The following AGPAT5 variants were observed in gnomAD, a reference collection of about 807,000 sequenced individuals.
AGPAT5 encodes the protein 1-acylglycerol-3-phosphate O-acyltransferase 5, also known as 1-acyl-sn-glycerol-3-phosphate acyltransferase epsilon.
Under a neutral mutation model 45.6 loss-of-function variants are expected in AGPAT5, and 46 were observed. That is an observed-to-expected ratio of 1.01 (90% CI 0.80 to 1.29). AGPAT5 has a LOEUF of 1.29. Ranked by LOEUF, AGPAT5 falls within the 50% of genes most tolerant of loss-of-function variation. The pLI is 0.00. For missense variants in AGPAT5, 673 were observed against 450.7 expected, an observed-to-expected ratio of 1.49 and a Z score of -4.47; for synonymous variants, 272 against 167.0, an observed-to-expected ratio of 1.63 and a Z score of -4.85.
chr8:6,711,854 C>G (rs1030471008), intron 1 of AGPAT5, among the ~76,000 whole-genome samples: 1 of 152,208 alleles, frequency 6.6e-6, no homozygotes, highest in African/African-American at 2.4e-5. Context: ...TCACATCTCA[C>G]TCTCCCTTTC....
chr8:6,743,508 T>C (rs1801310390), intron 5 of AGPAT5, among the ~76,000 whole-genome samples: 1 of 152,238 alleles, frequency 6.6e-6, no homozygotes, highest in Non-Finnish European at 1.5e-5. Context: ...TAAGTTTTAT[T>C]CACAAAAAGA....
At chr8:6,734,536 A>C (rs888889576) in intron 4 of AGPAT5, among the ~76,000 whole-genome samples, 1 of 152,094 alleles carries the variant, frequency 6.6e-6, no homozygotes, top group Non-Finnish European at 1.5e-5. Flanking sequence ...TTATCATTTT[A>C]TTATACTTGC....
intron 4 of AGPAT5, among the ~76,000 whole-genome samples, chr8:6,741,094 T>A (rs1481058918): frequency 1.3e-5 from 2 of 152,126 alleles, no homozygotes; most frequent in African/African-American, 4.8e-5. Context: ...TAGTTTCAGT[T>A]TATATAACAA....
intron 4 of AGPAT5, among the ~76,000 whole-genome samples, chr8:6,740,298 T>G (rs1029650266): frequency 1.3e-5 from 2 of 151,980 alleles, no homozygotes; most frequent in East Asian, 3.8e-4. Flanking sequence ...AAACACATTT[T>G]CATGAAAATG....
rs1014985961 is a variant in AGPAT5, at chr8:6,719,159, T to A, written c.220-5711T>A. ...GGTGAATTATATGGCATGTAAACAT[T>A]TGTGGAAAGCAAGTTTAGAACATCA... On this transcript the variant is annotated intron_variant, in intron 1 of 7. Coordinates refer to ENST00000285518, the MANE Select transcript of AGPAT5 (RefSeq NM_018361.5). Among the ~76,000 whole-genome samples, 2 of 152,224 alleles carry A rather than the reference T, an allele frequency of 1.3e-5. 1 individual carries two copies. Among genetic ancestry groups the A allele is most frequent in the South Asian group, 4.1e-4 (2 of 4,834 alleles).
chr8:6,742,424 C>A (rs1009767037), intron 5 of AGPAT5, among the ~76,000 whole-genome samples: 3 of 152,184 alleles, frequency 2.0e-5, no homozygotes, highest in Non-Finnish European at 4.4e-5. Context: ...AAAACAGTGG[C>A]TATGCTATGT....
intron 6 of AGPAT5, among the ~76,000 whole-genome samples, chr8:6,749,474 C>G (rs182589954): frequency 6.6e-6 from 1 of 152,316 alleles, no homozygotes; most frequent in East Asian, 1.9e-4. Context: ...AAAATTAAAA[C>G]TGTACGAAAT....
At chr8:6,750,147 G>T (rs1801612394) in intron 6 of AGPAT5, among the ~76,000 whole-genome samples, 1 of 152,222 alleles carries the variant, frequency 6.6e-6, no homozygotes, top group African/African-American at 2.4e-5. Flanking sequence ...GCATAGCACT[G>T]TGCCTTCTCC....
At chr8:6,710,698 C>T (rs1244132559) in intron 1 of AGPAT5, among the ~76,000 whole-genome samples, 2 of 152,146 alleles carry the variant, frequency 1.3e-5, no homozygotes, top group African/African-American at 2.4e-5. Context: ...TTCCTGTGTA[C>T]ACAAAGCTAC....
At position 6,747,798 on chromosome 8, in the gene AGPAT5, G is replaced by A. The variant is rs770700604; in HGVS notation, c.715G>A (p.Gly239Arg). Reference sequence around the variant, plus strand: ...GGTTTATGAAGGGAAAGACGATGGAGGGCAGCGAAGAGAGTCACCGACCAT... The same window carrying A: ...GGTTTATGAAGGGAAAGACGATGGAAGGCAGCGAAGAGAGTCACCGACCAT... The part of the protein sequence containing the change: ...TVVYEGKDDG[G>R]QRRESPTMTE... Residue 239 changes from glycine to arginine, a missense_variant, in exon 6 of 8, where the codon GGG (glycine) becomes AGG (arginine). Transcript: ENST00000285518. 7 of 1,614,148 alleles carry A rather than the reference G, an allele frequency of 4.3e-6. No homozygotes were observed. The highest frequency in any genetic ancestry group is 5.9e-6 in the Non-Finnish European group (7 of 1,180,024).
At chr8:6,735,848 CCTTTTT>C (rs766568339) in intron 4 of AGPAT5, among the ~76,000 whole-genome samples, 3,019 of 53,538 alleles carry the variant, frequency 0.056, 133 homozygotes, top group East Asian at 0.14. Flanking sequence ...CTTTATATAG[CCTTTTT>C]TTTTTTTTTT....
intron 4 of AGPAT5, among the ~76,000 whole-genome samples, chr8:6,736,920 A>T (rs1360212661): frequency 2.6e-5 from 4 of 152,224 alleles, no homozygotes; most frequent in Non-Finnish European, 5.9e-5. Context: ...GAGTCTTGTA[A>T]ATCAAAGTTC....
intron 1 of AGPAT5, among the ~76,000 whole-genome samples, chr8:6,716,335 G>C (rs945480204): frequency 6.6e-6 from 1 of 151,956 alleles, no homozygotes; most frequent in Non-Finnish European, 1.5e-5. Context: ...AAGGAGGGTG[G>C]ATCACTTGAG....
At chr8:6,737,536 C>G (rs1466913566) in intron 4 of AGPAT5, among the ~76,000 whole-genome samples, 3 of 152,138 alleles carry the variant, frequency 2.0e-5, no homozygotes, top group African/African-American at 7.2e-5. Flanking sequence ...TCTTAAGGAA[C>G]TTATTGGTTG....
chr8:6,718,785 C>G (rs569609237), intron 1 of AGPAT5, among the ~76,000 whole-genome samples: 2 of 152,322 alleles, frequency 1.3e-5, no homozygotes, highest in Non-Finnish European at 2.9e-5. Flanking sequence ...TAGGCCACCT[C>G]TCAGGTTATT....
intron 5 of AGPAT5, among the ~76,000 whole-genome samples, chr8:6,742,110 G>C (rs1352149701): frequency 6.6e-6 from 1 of 152,174 alleles, no homozygotes; most frequent in Admixed American, 6.5e-5. Flanking sequence ...ACCTAAGTTG[G>C]AGTCCAAACT....
chr8:6,760,922 C>T lies in AGPAT5; in HGVS notation c.*3534C>T, dbSNP rs143163677. ...AAACCTTCAACTATTATGAAGTGCT[C>T]GTCTGTACAATCGCTAATTTACTCA... On this transcript the variant is annotated 3_prime_UTR_variant, in exon 8 of 8. Coordinates refer to ENST00000285518, the MANE Select transcript of AGPAT5 (RefSeq NM_018361.5). 1.3e-5 allele frequency among the ~76,000 whole-genome samples: 2 copies of T among 152,238 alleles called. No homozygotes were observed. The highest frequency in any genetic ancestry group is 1.9e-4 in the East Asian group (1 of 5,194).
At chr8:6,751,125 T>G (rs1187007806) in intron 6 of AGPAT5, among the ~76,000 whole-genome samples, 1 of 152,172 alleles carries the variant, frequency 6.6e-6, no homozygotes, top group Non-Finnish European at 1.5e-5. Flanking sequence ...ATAATCTACT[T>G]TAGTTTAAGA....
At chr8:6,725,372 G>C (rs11995043) in intron 2 of AGPAT5, among the ~76,000 whole-genome samples, 5,788 of 152,230 alleles carry the variant, frequency 0.038, 357 homozygotes, top group African/African-American at 0.13. Context: ...TCTAGTGTCT[G>C]CTCTTCCTTT....
Sources: allele counts gnomAD v4.1 joint callset (sites outside exome capture counted in the v4.1 genomes callset), GRCh38; gene constraint gnomAD v4.1.1; transcripts MANE v1.5; gene names NCBI Gene and HGNC (gene_info 2026-07-23, HGNC 2026-07-21).